LNX1: variants seen among roughly 807,000 people sequenced by gnomAD.
The protein encoded by LNX1 is E3 ubiquitin-protein ligase LNX.
LNX1 carries 54 observed loss-of-function variants against 68.4 expected under a neutral mutation model. The observed-to-expected ratio is 0.79, with a 90% confidence interval of 0.63 to 0.99. The LOEUF (loss-of-function observed/expected upper bound fraction) is 0.99. Among genes scored for constraint, LNX1 ranks in the 50% least tolerant of loss-of-function variants. The probability of loss-of-function intolerance (pLI) is 0.00; values close to 1 mark genes in which losing one functional copy is unlikely to be tolerated. For synonymous variants in LNX1, 336 were observed against 350.0 expected (o/e 0.96, Z 0.45); for missense variants, 906 against 926.4 (o/e 0.98, Z 0.29).
chr4:53,612,829 G>A (rs1249350628), intron 2 of LNX1, among the ~76,000 whole-genome samples: 4 of 151,600 alleles, frequency 2.6e-5, no homozygotes, highest in Non-Finnish European at 4.4e-5. Context: ...AGGCTGCAGT[G>A]ATCTGTGGTC....
intron 5 of LNX1, among the ~76,000 whole-genome samples, chr4:53,496,796 A>G (rs1018852757): frequency 3.9e-5 from 6 of 152,244 alleles, no homozygotes; most frequent in African/African-American, 1.4e-4. Context: ...ACAGCTCTTC[A>G]AGCCGAGTTG....
At chr4:53,507,798 C>T (rs1726013767) in intron 3 of LNX1, among the ~76,000 whole-genome samples, 188 bp downstream of exon 3, 1 of 152,156 alleles carries the variant, frequency 6.6e-6, no homozygotes, top group South Asian at 2.1e-4. Flanking sequence ...AGATTACACA[C>T]AGTTTTAATG....
chr4:53,488,346 T>C (rs1724459791), intron 6 of LNX1, among the ~76,000 whole-genome samples: 1 of 152,244 alleles, frequency 6.6e-6, no homozygotes, highest in Non-Finnish European at 1.5e-5. Flanking sequence ...ACAATCCTAT[T>C]TGAGGATCAC....
At chr4:53,497,599 C>A (rs1358701496) in intron 5 of LNX1, among the ~76,000 whole-genome samples, 3 of 152,306 alleles carry the variant, frequency 2.0e-5, no homozygotes, top group Admixed American at 6.5e-5. Context: ...GCTAAATAGT[C>A]CTGGCAGCCC....
At chr4:53,600,594 G>A (rs1020558156) in intron 2 of LNX1, among the ~76,000 whole-genome samples, 10 of 152,042 alleles carry the variant, frequency 6.6e-5, no homozygotes, top group Admixed American at 4.6e-4. Context: ...GTCAGATTCC[G>A]ACTAACAGGG....
intron 1 of LNX1, among the ~76,000 whole-genome samples, chr4:53,587,594 G>A (rs1165953650): frequency 3.9e-5 from 6 of 152,080 alleles, no homozygotes; most frequent in Admixed American, 6.6e-5. Flanking sequence ...ATGTGTCCTC[G>A]CCTTGCCAGC....
At chr4:53,530,395 CAT>C (rs1727933823) in intron 2 of LNX1, among the ~76,000 whole-genome samples, 2 of 152,016 alleles carry the variant, frequency 1.3e-5, no homozygotes, top group Admixed American at 6.6e-5. Context: ...GGAAATTAAA[CAT>C]AAGAAAATTG....
chr4:53,637,825 G>A (rs1734538450), intron 1 of LNX1, among the ~76,000 whole-genome samples: 1 of 152,188 alleles, frequency 6.6e-6, no homozygotes, highest in African/African-American at 2.4e-5. Flanking sequence ...TTTCTGCTGT[G>A]TTAAAGACTA....
At chr4:53,587,810 C>T (rs146700661) in intron 1 of LNX1, among the ~76,000 whole-genome samples, 5 of 152,300 alleles carry the variant, frequency 3.3e-5, no homozygotes, top group Admixed American at 6.5e-5. Context: ...CAGGAAGACC[C>T]GCTGTTTACT....
upstream of LNX1, among the ~76,000 whole-genome samples, chr4:53,618,146 T>G (rs1733746821): frequency 6.6e-6 from 1 of 152,224 alleles, no homozygotes; most frequent in African/African-American, 2.4e-5. Context: ...CCTTAACTAC[T>G]TTGCCTACCA....
intron 2 of LNX1, among the ~76,000 whole-genome samples, chr4:53,516,930 C>A (rs948012047): frequency 6.6e-5 from 10 of 152,168 alleles, no homozygotes; most frequent in African/African-American, 1.9e-4. Flanking sequence ...TGCAGAGACT[C>A]CCTGACCATC....
intron 1 of LNX1, among the ~76,000 whole-genome samples, chr4:53,631,438 T>C (rs13146347): frequency 0.32 from 48,494 of 152,074 alleles, 8,166 homozygotes; most frequent in East Asian, 0.58. Flanking sequence ...TGATAGGAAA[T>C]GTGACCAAGT....
chr4:53,576,536 T>C, intron 1 of LNX1: 1 of 992,344 alleles, frequency 1.0e-6, no homozygotes, highest in Non-Finnish European at 1.3e-6. Context: ...GTATTTTAGG[T>C]TGGGCATTTT....
intron 1 of LNX1, among the ~76,000 whole-genome samples, chr4:53,627,632 T>G (rs779773753): frequency 4.6e-5 from 7 of 152,226 alleles, no homozygotes; most frequent in Non-Finnish European, 1.0e-4. Context: ...TTTAAATAAA[T>G]GCACAGAGGT....
intron 9 of LNX1, among the ~76,000 whole-genome samples, chr4:53,461,889 AAT>A (rs1172030421): frequency 6.6e-6 from 1 of 152,124 alleles, no homozygotes; most frequent in Non-Finnish European, 1.5e-5. Context: ...ACAATGCTTG[AAT>A]ATGTATTAGC....
At chr4:53,603,251 G>T (rs907510) in intron 2 of LNX1, among the ~76,000 whole-genome samples, 118,225 of 152,104 alleles carry the variant, frequency 0.78, 46,281 homozygotes, top group South Asian at 0.9. Flanking sequence ...CTCACTGCAT[G>T]TGAGGACCTA....
chr4:53,569,904 C>G (rs1275488317), intron 2 of LNX1, among the ~76,000 whole-genome samples: 1 of 150,500 alleles, frequency 6.6e-6, no homozygotes, highest in Non-Finnish European at 1.5e-5. Flanking sequence ...CCAAAAAACA[C>G]ATGAAAAAAT....
intron 2 of LNX1, among the ~76,000 whole-genome samples, chr4:53,550,419 C>T (rs1729420919): frequency 6.6e-6 from 1 of 152,200 alleles, no homozygotes; most frequent in Non-Finnish European, 1.5e-5. Flanking sequence ...GCTCAAAACA[C>T]AGGACAAGAC....
upstream of LNX1, among the ~76,000 whole-genome samples, chr4:53,617,757 A>G (rs538822075): frequency 9.8e-4 from 149 of 152,326 alleles, no homozygotes; most frequent in Non-Finnish European, 1.7e-3. Context: ...GATGTTATTG[A>G]CTAAACCTGT....
Sources: gnomAD v4.1 joint callset for allele counts (sites outside exome capture counted in the v4.1 genomes callset) on GRCh38, gnomAD v4.1.1 for gene constraint, MANE v1.5 for transcripts, NCBI Gene and HGNC (gene_info 2026-07-23, HGNC 2026-07-21) for gene names.